PTOV1: variants seen among roughly 807,000 people sequenced by gnomAD.
PTOV1 encodes prostate tumor-overexpressed gene 1 protein.
Under a neutral mutation model 58.0 loss-of-function variants are expected in PTOV1, and 20 were observed. The observed-to-expected ratio is 0.34, with a 90% confidence interval of 0.24 to 0.50. The LOEUF (loss-of-function observed/expected upper bound fraction) is 0.50. PTOV1 is among the 20% of genes least tolerant of loss of function. The probability of loss-of-function intolerance (pLI) is 0.98; values close to 1 mark genes in which losing one functional copy is unlikely to be tolerated. For synonymous variants in PTOV1, 335 were observed against 234.2 expected (o/e 1.43, Z -3.93); for missense variants, 593 against 565.4 (o/e 1.05, Z -0.50).
At chr19:49,857,925 C>T (rs372624620) in exon 8 of PTOV1, 34 of 1,613,694 alleles carry the variant, frequency 2.1e-5, no homozygotes, top group East Asian at 4.5e-5. Context: ...GCCCAACAGT[C>T]GGTCCAAGAG....
At chr19:49,852,349 C>T (rs746513192) in intron 1 of PTOV1, 1 of 152,458 alleles carries the variant, frequency 6.6e-6, no homozygotes, top group African/African-American at 2.4e-5. Flanking sequence ...CCTCCCACAA[C>T]TTAAACGTAC....
rs200629879 is a variant in PTOV1 at position 49,857,975 on chromosome 19, C to A, written c.876C>A (p.Ile292=). Residue 292 remains isoleucine, a splice_region_variant and synonymous_variant, in exon 8 of 12, where the codon ATC becomes ATA. Transcript: ENST00000391842. ...ACGTCTACGTGAACCAGGGGGAGAT[C>A]CTGTGAGTGCTGGGCTGGGGGGTGG... The A allele has an allele frequency of 1.1e-4, 171 of 1,613,224 alleles. No homozygotes were observed. In the East Asian group the frequency reaches 1.6e-3, roughly 15 times the overall value.
At chr19:49,853,453 C>A (rs1027462983) in intron 1 of PTOV1, among the ~76,000 whole-genome samples, 1 of 144,956 alleles carries the variant, frequency 6.9e-6, no homozygotes, top group Admixed American at 7.1e-5. Flanking sequence ...GTCAGGAGTT[C>A]GAGACCAGTC....
At chr19:49,857,263 G>C (rs2074513770) in intron 6 of PTOV1, 133 bp downstream of exon 6, 1 of 1,312,376 alleles carries the variant, frequency 7.6e-7, no homozygotes, top group African/African-American at 1.5e-5. Flanking sequence ...GGAGCCCGGA[G>C]GATGCCGGGC....
chr19:49,860,291 G>A (rs1173571460), exon 12 of PTOV1: 5 of 1,613,060 alleles, frequency 3.1e-6, no homozygotes, highest in Non-Finnish European at 4.2e-6. Flanking sequence ...GGTTACCCCG[G>A]GCTGGGCCCC....
intron 10 of PTOV1, 115 bp downstream of exon 10, chr19:49,858,768 G>T: frequency 1.1e-6 from 1 of 891,826 alleles, no homozygotes; most frequent in South Asian, 1.5e-5. Flanking sequence ...ACCAGCTGGG[G>T]AGAGAGGGTG....
At chr19:49,853,299 C>G (rs1268439497) in intron 1 of PTOV1, 1 of 152,190 alleles carries the variant, frequency 6.6e-6, no homozygotes, top group African/African-American at 2.4e-5. Context: ...TCGTGGGTTT[C>G]CTGCTGCCAG....
chr19:49,860,045 GTACTCTTCAGAGAAGA>G lies in PTOV1; in HGVS notation c.1102_1117del (p.Tyr368LysfsTer58), dbSNP rs1568653423. On this transcript the variant is annotated frameshift_variant, in exon 11 of 12. Coordinates refer to ENST00000391842, the Ensembl canonical transcript of PTOV1. LOFTEE classifies it high-confidence loss of function. ...GTGAGATCCGCGTGCTTATGCTCCT[GTACTCTTCAGAGAAGA>G]AAATCTTCATTGGCCTCATCCCCCA... The G allele has an allele frequency of 6.2e-7, 1 of 1,614,220 alleles. No individual in the cohort carries two copies.
intron 6 of PTOV1, chr19:49,857,463 T>C: frequency 1.6e-6 from 1 of 612,350 alleles, no homozygotes; most frequent in Non-Finnish European, 2.9e-6. Context: ...TGAGGCAGAC[T>C]CTGCAGGTCC....
chr19:49,858,325 C>A, intron 9 of PTOV1: 1 of 729,354 alleles, frequency 1.4e-6, no homozygotes, highest in Non-Finnish European at 2.2e-6. Context: ...CTGAGCGGGG[C>A]AGGGGCAGCC....
chr19:49,851,050 G>C (rs745705938), upstream of PTOV1: 1 of 1,502,736 alleles, frequency 6.7e-7, no homozygotes, highest in Admixed American at 2.1e-5. Flanking sequence ...GGACCGCCGA[G>C]CCCACACTCC....
upstream of PTOV1, chr19:49,851,026 C>A: frequency 6.6e-7 from 1 of 1,525,316 alleles, no homozygotes; most frequent in Non-Finnish European, 8.8e-7. Flanking sequence ...TCCCCCGCGC[C>A]GGAGAGGCCC....
chr19:49,855,413 G>C (rs781389285), intron 5 of PTOV1: 1 of 349,590 alleles, frequency 2.9e-6, no homozygotes, highest in Non-Finnish European at 5.5e-6. Context: ...CCTGGTAAAT[G>C]GGTGTGCTAG....
chr19:49,860,433 C>T (rs1277276180), exon 12 of PTOV1: 7 of 1,196,670 alleles, frequency 5.8e-6, no homozygotes, highest in Non-Finnish European at 3.4e-6. Flanking sequence ...TTGGGGAGAG[C>T]AGAGCAGAGG....
chr19:49,860,469 AGGC>A, exon 12 of PTOV1: 2 of 892,354 alleles, frequency 2.2e-6, no homozygotes, highest in Non-Finnish European at 3.3e-6. Context: ...CAGCGGTCCT[AGGC>A]TGTCGGGAAA....
In PTOV1 at chr19:49,854,390, C is replaced by G; in HGVS notation, c.172-16C>G. ...CCCGGCCTCAGTTTTCCCACCTATC[C>G]CCCACTCCATTGCAGGAAGGTGCTC... On this transcript the variant is annotated splice_polypyrimidine_tract_variant and intron_variant, in intron 1 of 11. Coordinates refer to ENST00000391842, the Ensembl canonical transcript of PTOV1. 1 of 1,602,810 alleles carries G rather than the reference C, an allele frequency of 6.2e-7. No individual in the cohort carries two copies. The highest frequency in any genetic ancestry group is 1.1e-5 in the South Asian group (1 of 90,430).
chr19:49,851,285 T>C (rs1600349383), exon 1 of PTOV1: 4 of 1,020,588 alleles, frequency 3.9e-6, no homozygotes, highest in East Asian at 7.8e-5. Context: ...GCAGCCCCCC[T>C]TGTGGCCCGC....
chr19:49,854,539 A>G, exon 2 of PTOV1: 1 of 1,612,906 alleles, frequency 6.2e-7, no homozygotes, highest in Non-Finnish European at 8.5e-7. Flanking sequence ...CTCGAGTGGC[A>G]GGAGGTGAGT....
At chr19:49,856,612 G>A (rs1395765739) in intron 5 of PTOV1, 2 of 271,416 alleles carry the variant, frequency 7.4e-6, no homozygotes, top group African/African-American at 4.4e-5. Flanking sequence ...CACACAGCTA[G>A]GAGGCAGCAG....
Sources: gnomAD v4.1 joint callset for allele counts (sites outside exome capture counted in the v4.1 genomes callset) on GRCh38, gnomAD v4.1.1 for gene constraint, MANE v1.5 for transcripts, NCBI Gene and HGNC (gene_info 2026-07-23, HGNC 2026-07-21) for gene names.